Variants in UBE3C observed in about 807,000 individuals in gnomAD.
UBE3C encodes ubiquitin-protein ligase E3C.
Under a neutral mutation model 129.4 loss-of-function variants are expected in UBE3C, and 42 were observed. The ratio of observed to expected loss-of-function variants is 0.32; its 90% CI spans 0.25 to 0.42. The LOEUF is 0.42. Among genes scored for constraint, UBE3C ranks in the 10% least tolerant of loss-of-function variants. The probability of loss-of-function intolerance (pLI) is 1.00; values close to 1 mark genes in which losing one functional copy is unlikely to be tolerated. For missense variants in UBE3C, 1,049 were observed against 1,319.1 expected, an observed-to-expected ratio of 0.80 and a Z score of 3.17; for synonymous variants, 510 against 492.4, an observed-to-expected ratio of 1.04 and a Z score of -0.47.
intron 2 of UBE3C, among the ~76,000 whole-genome samples, chr7:157,168,182 T>A (rs1808268776): frequency 6.6e-6 from 1 of 151,808 alleles, no homozygotes; most frequent in Non-Finnish European, 1.5e-5. Flanking sequence ...AAACCCCGTC[T>A]CTACTAAATA....
intron 15 of UBE3C, chr7:157,222,510 T>C (rs898372597): frequency 1.4e-4 from 22 of 152,130 alleles, no homozygotes; most frequent in African/African-American, 5.3e-4. Context: ...CCTTGAACTC[T>C]GCAGTCTCAG....
intron 5 of UBE3C, among the ~76,000 whole-genome samples, chr7:157,177,416 T>C (rs575001885): frequency 6.6e-6 from 1 of 152,362 alleles, no homozygotes; most frequent in African/African-American, 2.4e-5. Context: ...ACATCCTATG[T>C]TGTCTCTCAC....
intron 1 of UBE3C, among the ~76,000 whole-genome samples, chr7:157,150,063 T>C (rs2116810440): frequency 6.6e-6 from 1 of 152,210 alleles, no homozygotes; most frequent in Middle Eastern, 3.4e-3. Flanking sequence ...CTACCTAGGG[T>C]TGGTTATAAC....
At chr7:157,267,117 G>GT (rs1028058016) in intron 22 of UBE3C, among the ~76,000 whole-genome samples, 1 of 151,664 alleles carries the variant, frequency 6.6e-6, no homozygotes, top group Non-Finnish European at 1.5e-5. Flanking sequence ...AGCCATCAAT[G>GT]TAATTTTTTA....
intron 10 of UBE3C, chr7:157,192,717 C>G (rs527502295): frequency 3.6e-6 from 3 of 833,928 alleles, no homozygotes; most frequent in Non-Finnish European, 6.2e-6. Context: ...CTGCCTTCGT[C>G]GAGAGTGCCC....
intron 1 of UBE3C, among the ~76,000 whole-genome samples, chr7:157,163,241 G>T (rs1186375766): frequency 1.3e-5 from 2 of 151,910 alleles, no homozygotes; most frequent in South Asian, 2.1e-4. Context: ...CAAAAAATTA[G>T]CCGGGCGTGG....
At chr7:157,192,722 G>A (rs1586677534) in intron 10 of UBE3C, 1 of 838,110 alleles carries the variant, frequency 1.2e-6, no homozygotes, top group Non-Finnish European at 2.0e-6. Flanking sequence ...TTCGTCGAGA[G>A]TGCCCTTCTG....
At chr7:157,173,551 C>G (rs780930914) in intron 4 of UBE3C, among the ~76,000 whole-genome samples, 2 of 152,114 alleles carry the variant, frequency 1.3e-5, no homozygotes, top group Admixed American at 6.6e-5. Context: ...TCCTCACCTC[C>G]TTTTTAAAAA....
chr7:157,161,740 C>T (rs1051171661), intron 1 of UBE3C, among the ~76,000 whole-genome samples: 3 of 152,110 alleles, frequency 2.0e-5, no homozygotes, highest in Non-Finnish European at 4.4e-5. Flanking sequence ...AGCCATGAGC[C>T]ATTGCGCCAA....
At chr7:157,191,403 A>C (rs1808963317) in intron 10 of UBE3C, among the ~76,000 whole-genome samples, 2 of 152,028 alleles carry the variant, frequency 1.3e-5, no homozygotes, top group Non-Finnish European at 1.5e-5. Flanking sequence ...TGATCCTCCT[A>C]CCTCAGCACC....
intron 17 of UBE3C, among the ~76,000 whole-genome samples, chr7:157,227,061 C>G (rs1795897840): frequency 6.6e-6 from 1 of 152,166 alleles, no homozygotes; most frequent in South Asian, 2.1e-4. Flanking sequence ...GAGGTCTTTA[C>G]AGCTTGGGAT....
At position 157,139,200 on chromosome 7, in the gene UBE3C, C is replaced by T. The variant is rs1314796220; in HGVS notation, c.-73C>T. 8 of 1,182,234 alleles carry T rather than the reference C, an allele frequency of 6.8e-6. No homozygotes were observed. The highest frequency in any genetic ancestry group is 8.4e-5 in the East Asian group (2 of 23,698). 73.2% of individuals were successfully genotyped at this position (1,182,234 alleles called of 1,614,324 possible). ...GGGCGGGCGGGCGCCGAGAGCCTCC[C>T]AGCCCGCCCCGTGCCCCGCCCGCCC... On this transcript the variant is annotated 5_prime_UTR_variant, in exon 1 of 23. Coordinates refer to ENST00000348165, the MANE Select transcript of UBE3C (RefSeq NM_014671.3).
At chr7:157,246,005 A>C (rs1432931797) in intron 18 of UBE3C, among the ~76,000 whole-genome samples, 3 of 151,842 alleles carry the variant, frequency 2.0e-5, no homozygotes, top group African/African-American at 7.3e-5. Context: ...AAAAAAAAAA[A>C]AAAAAAAAAC....
intron 19 of UBE3C, among the ~76,000 whole-genome samples, chr7:157,253,453 C>A (rs1796669342): frequency 6.6e-6 from 1 of 152,194 alleles, no homozygotes; most frequent in South Asian, 2.1e-4. Context: ...CTGATCGTTA[C>A]CACCACCCTT....
intron 10 of UBE3C, among the ~76,000 whole-genome samples, chr7:157,190,323 T>A (rs1563048991): frequency 6.6e-6 from 1 of 152,116 alleles, no homozygotes; most frequent in African/African-American, 2.4e-5. Context: ...AAGAGCCTCC[T>A]CTTTCTGTCC....
At chr7:157,225,656 C>A in intron 17 of UBE3C, 117 bp downstream of exon 17, 2 of 1,225,934 alleles carry the variant, frequency 1.6e-6, no homozygotes, top group African/African-American at 1.6e-5. Flanking sequence ...GACTTAAAAA[C>A]TGAAATGTGA....
chr7:157,164,129 C>T (rs567874646), intron 2 of UBE3C, among the ~76,000 whole-genome samples: 10 of 151,728 alleles, frequency 6.6e-5, no homozygotes, highest in South Asian at 2.1e-4. Flanking sequence ...TCTAGAAAGC[C>T]GTATTATAAA....
At chr7:157,184,135 A>G in intron 9 of UBE3C, 106 bp downstream of exon 9, 4 of 1,455,900 alleles carry the variant, frequency 2.7e-6, no homozygotes, top group South Asian at 1.3e-5. Flanking sequence ...CAGACCCTCA[A>G]GCAGCCTTTG....
At position 157,223,331 on chromosome 7, in the gene UBE3C, C is replaced by G; in HGVS notation, c.2080C>G (p.Pro694Ala). 6.2e-7 allele frequency: 1 copy of G among 1,613,484 alleles called. No individual in the cohort carries two copies. The highest frequency in any genetic ancestry group is 8.5e-7 in the Non-Finnish European group (1 of 1,179,774). Reference protein sequence around the residue: ...AVLTELPFVVPFEERVKIFQR... With the variant: ...AVLTELPFVVAFEERVKIFQR... ...CCTGACAGAGTTGCCTTTTGTGGTTCCATTTGAGGAACGAGTAAAGGTATG... is the reference window on the plus strand; with the variant it reads ...CCTGACAGAGTTGCCTTTTGTGGTTGCATTTGAGGAACGAGTAAAGGTATG... The change falls in exon 16 of 23, where the codon CCA becomes GCA. Residue 694 changes from proline to alanine, a missense_variant. Physicochemically the swap from Pro to Ala is conservative, Grantham distance 27 (BLOSUM62 -1). Transcript: ENST00000348165.
Sources: allele counts gnomAD v4.1 joint callset (sites outside exome capture counted in the v4.1 genomes callset), GRCh38; gene constraint gnomAD v4.1.1; transcripts MANE v1.5; gene names NCBI Gene and HGNC (gene_info 2026-07-23, HGNC 2026-07-21).